The following TJP1 variants were observed in gnomAD, a reference collection of about 807,000 sequenced individuals.
TJP1 encodes tight junction protein ZO-1.
In TJP1, 43 loss-of-function variants were observed where a neutral mutation model predicts 194.2. The ratio of observed to expected loss-of-function variants is 0.22; its 90% CI spans 0.17 to 0.29. TJP1 has a LOEUF of 0.29. TJP1 is among the 10% of genes least tolerant of loss of function. The probability of loss-of-function intolerance (pLI) is 1.00; values close to 1 mark genes in which losing one functional copy is unlikely to be tolerated. For synonymous variants in TJP1, 801 were observed against 779.0 expected (o/e 1.03, Z -0.47); for missense variants, 1,971 against 2,185.7 (o/e 0.90, Z 1.96).
At chr15:29,757,652 A>T (rs908536679) in intron 8 of TJP1, among the ~76,000 whole-genome samples, 3 of 152,222 alleles carry the variant, frequency 2.0e-5, no homozygotes, top group Non-Finnish European at 2.9e-5. Context: ...CTAAATTTTC[A>T]GGAATTAAAT....
At chr15:29,938,964 C>T (rs530935746) in intron 2 of TJP1, among the ~76,000 whole-genome samples, 3 of 152,316 alleles carry the variant, frequency 2.0e-5, no homozygotes, top group African/African-American at 7.2e-5. Context: ...AAGGTTCATC[C>T]CCGAAATTGC....
chr15:29,869,767 C>T (rs1455005578), intron 2 of TJP1, among the ~76,000 whole-genome samples: 1 of 148,796 alleles, frequency 6.7e-6, no homozygotes, highest in Non-Finnish European at 1.5e-5. Context: ...AGAACGATAT[C>T]CTTTCCCCTG....
intron 2 of TJP1, among the ~76,000 whole-genome samples, chr15:29,938,909 G>C (rs1414203299): frequency 6.6e-6 from 1 of 152,232 alleles, no homozygotes; most frequent in African/African-American, 2.4e-5. Context: ...CCATGTGGCT[G>C]AAAGTCTTGC....
chr15:29,831,770 A>G (rs149819295), intron 2 of TJP1, among the ~76,000 whole-genome samples: 248 of 152,356 alleles, frequency 1.6e-3, no homozygotes, highest in African/African-American at 5.5e-3. Context: ...TAGGAGATAC[A>G]TGTTGAAATA....
At position 29,732,695 on chromosome 15, in the gene TJP1, C is replaced by T; in HGVS notation, c.1857G>A (p.Glu619=). 2 of 1,614,158 alleles carry T rather than the reference C, an allele frequency of 1.2e-6. No homozygotes were observed. Among genetic ancestry groups the T allele is most frequent in the Non-Finnish European group, 1.7e-6 (2 of 1,180,024 alleles). The part of the protein sequence containing the change: ...SSKRNLRKSR[E]DLSAQPVQTK... ...TTTGAACAGGCTGAGCGGACAAATC[C>T]TCTCTGCTTTTTCGAAGATTTCTCT... The change falls in exon 14 of 28, where the codon GAG becomes GAA. Residue 619 remains glutamate (E), a synonymous_variant. Coordinates refer to ENST00000614355, the MANE Select transcript of TJP1 (RefSeq NM_001330239.4).
At chr15:29,912,543 A>G (rs2054048256) in intron 2 of TJP1, among the ~76,000 whole-genome samples, 1 of 151,980 alleles carries the variant, frequency 6.6e-6, no homozygotes, top group Admixed American at 6.6e-5. Context: ...CCATGTCTCT[A>G]CTAAAATACA....
chr15:29,723,005 C>T (rs2043025882), intron 18 of TJP1, among the ~76,000 whole-genome samples: 1 of 152,182 alleles, frequency 6.6e-6, no homozygotes, highest in South Asian at 2.1e-4. Context: ...TTTATGTCCC[C>T]TTTGTATCTT....
At chr15:29,958,785 C>T (rs952629190) in intron 1 of TJP1, among the ~76,000 whole-genome samples, 2 of 152,132 alleles carry the variant, frequency 1.3e-5, no homozygotes, top group East Asian at 3.9e-4. Flanking sequence ...CCCAGCAACT[C>T]CACATCCCTA....
chr15:29,764,078 T>C (rs938428319), intron 5 of TJP1, among the ~76,000 whole-genome samples: 3 of 152,088 alleles, frequency 2.0e-5, no homozygotes, highest in Admixed American at 6.6e-5. Context: ...TACCAGGCAT[T>C]AGGGAGAAAG....
At chr15:29,728,961 G>A (rs1472853296) in intron 15 of TJP1, 1 of 152,182 alleles carries the variant, frequency 6.6e-6, no homozygotes, top group African/African-American at 2.4e-5. Flanking sequence ...TAGACTCAAA[G>A]AAGATATAAA....
Position 29,796,323 on chromosome 15 carries a change from A to G in TJP1, c.84+4323T>C, listed in dbSNP as rs142695522. ...AAAGTTCCTACAACTAGTAATTTTA[A>G]GACTGCAAGGTTGCTATAAAAAAAA... On this transcript the variant is annotated intron_variant, in intron 2 of 27. Transcript: ENST00000614355. Among the ~76,000 whole-genome samples, 946 of 151,934 alleles carry G rather than the reference A, an allele frequency of 6.2e-3. 3 individuals carry two copies. Among genetic ancestry groups the G allele is most frequent in the Non-Finnish European group, 0.011 (766 of 67,934 alleles).
At chr15:29,780,010 C>T (rs2047259890) in intron 2 of TJP1, among the ~76,000 whole-genome samples, 1 of 151,132 alleles carries the variant, frequency 6.6e-6, no homozygotes, top group African/African-American at 2.4e-5. Flanking sequence ...AAAAAAACCA[C>T]CACAAATTAC....
intron 15 of TJP1, among the ~76,000 whole-genome samples, chr15:29,730,529 TG>T (rs2043560205): frequency 6.6e-6 from 1 of 151,066 alleles, no homozygotes; most frequent in Admixed American, 6.6e-5. Context: ...CCCATGAGTT[TG>T]GGACTACAGT....
At chr15:29,840,730 G>T (rs1442152913) in intron 2 of TJP1, among the ~76,000 whole-genome samples, 1 of 152,142 alleles carries the variant, frequency 6.6e-6, no homozygotes, top group Non-Finnish European at 1.5e-5. Context: ...GTATCCAGTG[G>T]GTCCCAGTGG....
intron 2 of TJP1, among the ~76,000 whole-genome samples, chr15:29,792,958 T>C (rs76657862): frequency 0.043 from 6,507 of 152,324 alleles, 162 homozygotes; most frequent in South Asian, 0.075. Context: ...TTTTATATGC[T>C]GACTTTGCAT....
intron 23 of TJP1, among the ~76,000 whole-genome samples, chr15:29,714,964 A>G (rs1317602044): frequency 6.6e-6 from 1 of 152,234 alleles, no homozygotes; most frequent in Non-Finnish European, 1.5e-5. Flanking sequence ...GGTGTTTAGT[A>G]AAAATAATAA....
intron 1 of TJP1, among the ~76,000 whole-genome samples, chr15:29,813,260 T>C (rs1410177408): frequency 6.6e-6 from 1 of 152,154 alleles, no homozygotes; most frequent in Admixed American, 6.6e-5. Flanking sequence ...ACCAACTTGA[T>C]TTTTCAAGAT....
chr15:29,949,469 A>ACCT (rs140293789), intron 2 of TJP1, among the ~76,000 whole-genome samples: 544 of 31,366 alleles, frequency 0.017, 8 homozygotes, highest in East Asian at 0.037. Flanking sequence ...TTCCACCACC[A>ACCT]CCACCTCCAC....
intron 2 of TJP1, among the ~76,000 whole-genome samples, chr15:29,846,508 CAG>C (rs1350976862): frequency 6.6e-6 from 1 of 152,000 alleles, no homozygotes; most frequent in Non-Finnish European, 1.5e-5. Flanking sequence ...AAATGACAAG[CAG>C]AGAGAGCAAA....
Sources: allele counts gnomAD v4.1 joint callset (sites outside exome capture counted in the v4.1 genomes callset), GRCh38; gene constraint gnomAD v4.1.1; transcripts MANE v1.5; gene names NCBI Gene and HGNC (gene_info 2026-07-23, HGNC 2026-07-21).